ITSN2: variants seen among roughly 807,000 people sequenced by gnomAD.
The protein encoded by ITSN2 is intersectin-2.
ITSN2 carries 156 observed loss-of-function variants against 243.7 expected under a neutral mutation model. The observed-to-expected ratio is 0.64, with a 90% CI of 0.56 to 0.73. The LOEUF (loss-of-function observed/expected upper bound fraction) is 0.73, where lower values mean the gene tolerates loss of function less well. Ranked by LOEUF, ITSN2 falls within the 30% of genes least tolerant of loss-of-function variation. The pLI, the probability that ITSN2 is intolerant of heterozygous loss-of-function variation, is 0.00. For synonymous variants in ITSN2, 703 were observed against 699.9 expected (o/e 1.00, Z -0.07); for missense variants, 1,801 against 1,996.1 (o/e 0.90, Z 1.86).
At chr2:24,216,499 T>C (rs1295426527) in intron 31 of ITSN2, among the ~76,000 whole-genome samples, 1 of 152,242 alleles carries the variant, frequency 6.6e-6, no homozygotes, top group Non-Finnish European at 1.5e-5. Flanking sequence ...CTCATGCCTC[T>C]AATCCCAGCA....
chr2:24,312,186 A>G lies in ITSN2; in HGVS notation c.352+26T>C, dbSNP rs185345232. ...GGGATAAAGTTTAAGTAGCAAATAC[A>G]GGTATTTAAATTAATACATACTTAC... On this transcript the variant is annotated intron_variant, in intron 5 of 39. Transcript: ENST00000355123. 1.7e-3 allele frequency: 2,579 copies of G among 1,557,968 alleles called. 6 individuals carry two copies. Among genetic ancestry groups the G allele is most frequent in the Non-Finnish European group, 2.0e-3 (2,304 of 1,145,136 alleles).
intron 37 of ITSN2, 51 bp from the exon 38 acceptor site, chr2:24,205,348 C>A: frequency 1.3e-6 from 2 of 1,501,978 alleles, no homozygotes; most frequent in Non-Finnish European, 9.3e-7. Context: ...AGGATGCAGA[C>A]CCTGTCTTTC....
Position 24,254,416 on chromosome 2 carries a change from A to G in ITSN2, c.2904T>C (p.Tyr968=). Residue 968 remains tyrosine (Y), a synonymous_variant, in exon 24 of 40, where the codon TAT becomes TAC. Coordinates refer to ENST00000355123, the MANE Select transcript of ITSN2 (RefSeq NM_006277.3). ...EVKREEPEAL[Y]AAVNKKPTSA... is the part of the protein sequence containing the mutation. ...AGGTAGGTTTCTTATTTACAGCTGC[A>G]TACAAAGCTTCTGGTCTACCAAATA... The G allele has an allele frequency of 6.2e-7, 1 of 1,611,634 alleles. No individual in the cohort carries two copies. Among genetic ancestry groups the G allele is most frequent in the Middle Eastern group, 1.7e-4 (1 of 6,050 alleles).
In ITSN2 at chr2:24,260,903, C is replaced by CAAAAAA. The variant is rs34385491; in HGVS notation, c.2682+197_2682+202dup. On this transcript the variant is annotated intron_variant, in intron 22 of 39. Coordinates refer to ENST00000355123, the MANE Select transcript of ITSN2 (RefSeq NM_006277.3). ...TGGGCAACAGAGTGAGGCTCCGTCTCAAAAAAAAAAAAAAAAAAATTGTTG... is the reference window on the plus strand; with the variant it reads ...TGGGCAACAGAGTGAGGCTCCGTCTCAAAAAAAAAAAAAAAAAAAAAAAAATTGTTG... 2.0e-4 allele frequency among the ~76,000 whole-genome samples: 23 copies of CAAAAAA among 117,622 alleles called. 1 individual carries two copies. Among genetic ancestry groups the CAAAAAA allele is most frequent in the Non-Finnish European group, 2.4e-4 (14 of 58,272 alleles). The allele number at this position is 117,622 out of a possible 152,430, so 77.2% of individuals were successfully genotyped here.
intron 1 of ITSN2, among the ~76,000 whole-genome samples, chr2:24,356,210 A>AC (rs1328127213): frequency 6.6e-6 from 1 of 150,836 alleles, no homozygotes; most frequent in Non-Finnish European, 1.5e-5. Flanking sequence ...CTCAAAAAAA[A>AC]AAAAAATAGC....
intron 31 of ITSN2, among the ~76,000 whole-genome samples, 171 bp downstream of exon 31, chr2:24,217,736 G>T (rs886679346): frequency 6.6e-6 from 1 of 151,990 alleles, no homozygotes; most frequent in Non-Finnish European, 1.5e-5. Flanking sequence ...CAATACTTAT[G>T]TATTTTACAG....
rs1335301633 is a variant in ITSN2 at position 24,316,577 on chromosome 2, A to G, written c.32-1353T>C. On this transcript the variant is annotated intron_variant, in intron 2 of 39. Transcript: ENST00000355123. ...ATTACAGGCGTAAGCCACCACGCCC[A>G]GACAGTTTTTAAATAAGCTTTTAAT... 4.6e-5 allele frequency among the ~76,000 whole-genome samples: 7 copies of G among 152,180 alleles called. No homozygotes were observed. In the South Asian group the frequency reaches 1.4e-3, roughly 32 times the overall value.
Position 24,216,156 on chromosome 2 carries a change from G to C in ITSN2, c.3883C>G (p.Leu1295Val). Residue 1295 changes from leucine (L) to valine (V), a missense_variant, in exon 32 of 40, where the codon CTG (leucine) becomes GTG (valine). Transcript: ENST00000355123. ...CTGATGTAAGCCTGCATGTGGGACA[G>C]CTCAGCGGCCAGGATGTCCCCAATC... Reference protein sequence around the residue: ...QMIGDILAAELSHMQAYIRFC... With the variant: ...QMIGDILAAEVSHMQAYIRFC... 2 of 1,612,854 alleles carry C rather than the reference G, an allele frequency of 1.2e-6. No individual in the cohort carries two copies. The highest frequency in any genetic ancestry group is 1.7e-6 in the Non-Finnish European group (2 of 1,179,388).
At chr2:24,334,838 C>A (rs1002798799) in intron 1 of ITSN2, 21 of 779,138 alleles carry the variant, frequency 2.7e-5, no homozygotes, top group Non-Finnish European at 3.9e-5. Flanking sequence ...CCGAGGCGGG[C>A]GGATCACGAG....
At position 24,258,011 on chromosome 2, in the gene ITSN2, T is replaced by C. The variant is rs1675284727; in HGVS notation, c.2765A>G (p.His922Arg). ...CTGCTCCAAGACAGTAATAATGTCA[T>C]GTTTTGAGAAGTTCAAGTGGTTATC... ...KKDNHLNFSK[H>R]DIITVLEQQE... Residue 922 changes from histidine to arginine, a missense_variant, in exon 23 of 40, where the codon CAT becomes CGT. Transcript: ENST00000355123. 6.2e-7 allele frequency: 1 copy of C among 1,614,108 alleles called. No individual in the cohort carries two copies. Among genetic ancestry groups the C allele is most frequent in the African/African-American group, 1.3e-5 (1 of 75,056 alleles).
intron 9 of ITSN2, among the ~76,000 whole-genome samples, 157 bp from the exon 10 acceptor site, chr2:24,302,259 C>T (rs1344486777): frequency 6.6e-6 from 1 of 151,996 alleles, no homozygotes; most frequent in Non-Finnish European, 1.5e-5. Flanking sequence ...AGTGCAGTGG[C>T]GCGATCTCAG....
At chr2:24,239,878 G>C (rs1230234669) in intron 29 of ITSN2, 1 of 151,986 alleles carries the variant, frequency 6.6e-6, no homozygotes, top group Non-Finnish European at 1.5e-5. Context: ...TGGTATTTCA[G>C]TTAATATAGT....
At position 24,254,362 on chromosome 2, in the gene ITSN2, C is replaced by T. The variant is rs373594802; in HGVS notation, c.2953+5G>A. On this transcript the variant is annotated splice_donor_5th_base_variant and intron_variant, in intron 24 of 39. Coordinates refer to ENST00000355123, the MANE Select transcript of ITSN2 (RefSeq NM_006277.3). ...CATCTAATTTACAAATTGCCAAAAGCTTACCTTCTCCAACTGAATAGGCTG... is the reference window on the plus strand; with the variant it reads ...CATCTAATTTACAAATTGCCAAAAGTTTACCTTCTCCAACTGAATAGGCTG... 2.7e-5 allele frequency: 44 copies of T among 1,607,448 alleles called. No individual in the cohort carries two copies. The Middle Eastern group carries it at 6.6e-4, about 24-fold the overall frequency.
chr2:24,303,903 CT>C (rs1478191503), intron 8 of ITSN2, 41 bp from the exon 9 acceptor site: 22 of 1,343,830 alleles, frequency 1.6e-5, no homozygotes, highest in Non-Finnish European at 1.9e-5. Flanking sequence ...TCTTTAGCAT[CT>C]TTAAAGTTAT....
Position 24,299,889 on chromosome 2 carries a change from G to A in ITSN2, c.1344+20C>T. On this transcript the variant is annotated intron_variant, in intron 12 of 39. Coordinates refer to ENST00000355123, the MANE Select transcript of ITSN2 (RefSeq NM_006277.3). ...TTAAATGTAATGATTTTCTTAAGAA[G>A]TAAAAAACTTAAAAATAACCTCTCG... 6.4e-7 allele frequency: 1 copy of A among 1,560,070 alleles called. No individual in the cohort carries two copies. Among genetic ancestry groups the A allele is most frequent in the East Asian group, 2.3e-5 (1 of 44,424 alleles).
chr2:24,344,672 C>T (rs1558660870), intron 1 of ITSN2, among the ~76,000 whole-genome samples: 1 of 152,170 alleles, frequency 6.6e-6, no homozygotes, highest in Admixed American at 6.5e-5. Flanking sequence ...TAAAATTAGG[C>T]CAGGTGCAGT....
chr2:24,313,928 A>G (rs911659183), intron 3 of ITSN2, among the ~76,000 whole-genome samples: 1 of 152,248 alleles, frequency 6.6e-6, no homozygotes, highest in African/African-American at 2.4e-5. Context: ...CTTGCTCTGT[A>G]TACCAATAAT....
chr2:24,246,732 C>A, intron 28 of ITSN2, 65 bp downstream of exon 28: 2 of 941,176 alleles, frequency 2.1e-6, no homozygotes, highest in East Asian at 2.4e-5. Context: ...TTGAGCTAAT[C>A]TAAGAAGTTG....
Position 24,247,686 on chromosome 2 carries a change from A to AG in ITSN2, c.3289-794dup, listed in dbSNP as rs1215284078. ...GTCTATGTGGAGGTCTTTCAGGCTC[A>AG]GAGTTCTCGGAATATTTCACAAAAA... On this transcript the variant is annotated intron_variant, in intron 27 of 39. Transcript: ENST00000355123. Among the ~76,000 whole-genome samples the AG allele has an allele frequency of 2.0e-5, 3 of 152,338 alleles. No individual in the cohort carries two copies. In the East Asian group the frequency reaches 5.8e-4, roughly 29 times the overall value.
Sources: allele counts gnomAD v4.1 joint callset (sites outside exome capture counted in the v4.1 genomes callset), GRCh38; gene constraint gnomAD v4.1.1; transcripts MANE v1.5; gene names NCBI Gene and HGNC (gene_info 2026-07-23, HGNC 2026-07-21).